ZNF202: variants seen among roughly 807,000 people sequenced by gnomAD.
The protein encoded by ZNF202 is zinc finger protein 202, also known as zinc finger protein with KRAB and SCAN domains 10.
In ZNF202, 22 loss-of-function variants were observed where a neutral mutation model predicts 54.5. That is an observed-to-expected ratio of 0.40 (90% CI 0.29 to 0.58). The LOEUF is 0.58. Among genes scored for constraint, ZNF202 ranks in the 20% least tolerant of loss-of-function variants. The probability of loss-of-function intolerance (pLI) is 0.39; values close to 1 mark genes in which losing one functional copy is unlikely to be tolerated. For missense variants in ZNF202, 644 were observed against 805.5 expected, an observed-to-expected ratio of 0.80 and a Z score of 2.43; for synonymous variants, 294 against 301.4, an observed-to-expected ratio of 0.98 and a Z score of 0.26.
In ZNF202 at chr11:123,725,843, C is replaced by A; in HGVS notation, c.*154G>T. On this transcript the variant is annotated 3_prime_UTR_variant, in exon 9 of 9. Coordinates refer to ENST00000530393, the MANE Select transcript of ZNF202 (RefSeq NM_003455.4). Reference sequence around the variant, plus strand: ...GGAAGGCTGAGAGGTTCTGCCCAGGCTCGTGTTTAGTTGCAGGAAGAGGTA... The same window carrying A: ...GGAAGGCTGAGAGGTTCTGCCCAGGATCGTGTTTAGTTGCAGGAAGAGGTA... 1 of 868,460 alleles carries A rather than the reference C, an allele frequency of 1.2e-6. No homozygotes were observed. The highest frequency in any genetic ancestry group is 1.7e-6 in the Non-Finnish European group (1 of 585,048). 53.8% of individuals were successfully genotyped at this position (868,460 alleles called of 1,614,324 possible). A position where few individuals can be genotyped will look rare whatever the true frequency, so the allele number is the denominator to read the frequency against.
intron 3 of ZNF202, among the ~76,000 whole-genome samples, chr11:123,737,887 A>G (rs1458999677): frequency 6.6e-6 from 1 of 152,142 alleles, no homozygotes; most frequent in East Asian, 1.9e-4. Context: ...CAGCTTTTTG[A>G]TGGTGATGAG....
At chr11:123,737,915 A>C (rs1217112205) in intron 3 of ZNF202, among the ~76,000 whole-genome samples, 1 of 152,212 alleles carries the variant, frequency 6.6e-6, no homozygotes, top group Non-Finnish European at 1.5e-5. Flanking sequence ...TTTGAGAGGA[A>C]CAAGGATATA....
chr11:123,725,740 A>C lies in ZNF202; in HGVS notation c.*257T>G. The C allele has an allele frequency of 2.1e-6, 1 of 466,440 alleles. No homozygotes were observed. Among genetic ancestry groups the C allele is most frequent in the South Asian group, 3.8e-5 (1 of 26,410 alleles). 28.9% of individuals were successfully genotyped at this position (466,440 alleles called of 1,614,324 possible). Reference sequence around the variant, plus strand: ...TTCTCCTACTTTATACCCATGAGGTAGAGGCAGGTGCACTCCAGTGAAGGA... The same window carrying C: ...TTCTCCTACTTTATACCCATGAGGTCGAGGCAGGTGCACTCCAGTGAAGGA... On this transcript the variant is annotated 3_prime_UTR_variant, in exon 9 of 9. Transcript: ENST00000530393.
chr11:123,728,157 C>T lies in ZNF202; in HGVS notation c.808G>A (p.Asp270Asn), dbSNP rs758229680. 1.9e-6 allele frequency: 3 copies of T among 1,611,822 alleles called. No homozygotes were observed. Among genetic ancestry groups the T allele is most frequent in the Non-Finnish European group, 1.7e-6 (2 of 1,178,630 alleles). ...EFYGEYVLEE[D>N]CGIVVSLSFP... The stretch of plus-strand genomic sequence containing the variant: ...CACAGAGAGACAACAATTCCACAGT[C>T]TTCTTCCAAGACATATTCTCCATAG... Residue 270 changes from aspartate (D) to asparagine (N), a missense_variant, in exon 7 of 9, where the codon GAC (aspartate) becomes AAC (asparagine). Physicochemically the swap from Asp to Asn is conservative, Grantham distance 23. Around this residue, in one of 3 missense-constraint regions of ZNF202, gnomAD observed 536 missense variants for 635.3 expected, o/e 0.84. Transcript: ENST00000530393.
At position 123,726,155 on chromosome 11, in the gene ZNF202, C is replaced by G. The variant is rs1054423798; in HGVS notation, c.1789G>C (p.Glu597Gln). 1.9e-6 allele frequency: 3 copies of G among 1,614,226 alleles called. No individual in the cohort carries two copies. The highest frequency in any genetic ancestry group is 2.5e-6 in the Non-Finnish European group (3 of 1,180,038). Reference sequence around the variant, plus strand: ...CTGCGACTGAAGCTCTTCCCACATTCGTTGCATCGGCAGGGCCTCACTGAG... The same window carrying G: ...CTGCGACTGAAGCTCTTCCCACATTGGTTGCATCGGCAGGGCCTCACTGAG... ...HASVRPCRCN[E>Q]CGKSFSRRDH... The change falls in exon 9 of 9, where the codon GAA becomes CAA. Residue 597 changes from glutamate (E) to glutamine (Q), a missense_variant. Around this residue, in one of 3 missense-constraint regions of ZNF202, gnomAD observed 536 missense variants for 635.3 expected, o/e 0.84. Transcript: ENST00000530393. The surrounding 1 kb of genome is among the most constrained non-coding windows in gnomAD (Gnocchi z 6.0).
At position 123,729,206 on chromosome 11, in the gene ZNF202, C is replaced by A. The variant is rs1327237539; in HGVS notation, c.622G>T (p.Val208Leu). 1 of 1,613,404 alleles carries A rather than the reference C, an allele frequency of 6.2e-7. No homozygotes were observed. Residue 208 changes from valine to leucine, a missense_variant, in exon 6 of 9, where the codon GTG (valine) becomes TTG (leucine). Physicochemically the swap from Val to Leu is conservative, Grantham distance 32. Transcript: ENST00000530393. ...LQTLQESEVP[V>L]PEDPDLPAER... ...GCAGGAAGGTCTGGGTCCTCGGGCA[C>A]TGGGACCTCTATGAAGAAAAGAAGG... is the stretch of plus-strand genomic sequence containing the variant.
At chr11:123,731,060 A>G in intron 3 of ZNF202, 75 bp from the exon 4 acceptor site, 1 of 683,106 alleles carries the variant, frequency 1.5e-6, no homozygotes, top group Non-Finnish European at 2.3e-6. Context: ...GAGTTCAATC[A>G]TAATCCTCTA....
Position 123,726,248 on chromosome 11 carries a change from G to A in ZNF202, c.1696C>T (p.Leu566Phe), listed in dbSNP as rs769441071. 6.2e-7 allele frequency: 1 copy of A among 1,614,220 alleles called. No homozygotes were observed. The highest frequency in any genetic ancestry group is 1.7e-5 in the Admixed American group (1 of 60,032). The change falls in exon 9 of 9, where the codon CTC becomes TTC. Residue 566 changes from leucine (L) to phenylalanine (F), a missense_variant. Leu to Phe is a conservative substitution (Grantham distance 22). Transcript: ENST00000530393. This position sits in a 1 kb window ranked among gnomAD's most constrained non-coding sequence, Gnocchi z 6.0. ...AAGCAGCGCCCGCACTCGCTGCAGA[G>A]GTAGAGTTCCTCAGCAGCGTGCGTC... ...RKTHAAEELYLCSECGRCFTH... is the reference protein window; with the variant it reads ...RKTHAAEELYFCSECGRCFTH...
chr11:123,731,158 A>C (rs1194055395), intron 3 of ZNF202, among the ~76,000 whole-genome samples, 173 bp from the exon 4 acceptor site: 1 of 152,216 alleles, frequency 6.6e-6, no homozygotes, highest in East Asian at 1.9e-4. Context: ...GATAATTTAC[A>C]ACTAAAGGTA....
intron 5 of ZNF202, 83 bp from the exon 6 acceptor site, chr11:123,729,297 T>C: frequency 7.2e-7 from 1 of 1,384,230 alleles, no homozygotes; most frequent in South Asian, 1.2e-5. Flanking sequence ...CCACCATCTT[T>C]GGTAGGAAGG....
At chr11:123,734,578 C>T (rs1861552107) in intron 3 of ZNF202, among the ~76,000 whole-genome samples, 1 of 152,178 alleles carries the variant, frequency 6.6e-6, no homozygotes, top group African/African-American at 2.4e-5. Flanking sequence ...GATGCTTCCA[C>T]AGGAACTTGT....
chr11:123,735,453 G>C (rs928987550), intron 3 of ZNF202, among the ~76,000 whole-genome samples: 1 of 152,152 alleles, frequency 6.6e-6, no homozygotes, highest in Non-Finnish European at 1.5e-5. Context: ...TGCTTGTTTT[G>C]CATTTACTTT....
chr11:123,732,015 G>A (rs1191302985), intron 3 of ZNF202, among the ~76,000 whole-genome samples: 1 of 152,118 alleles, frequency 6.6e-6, no homozygotes, highest in Non-Finnish European at 1.5e-5. Flanking sequence ...TGTCTTTTCA[G>A]TCTTCCATGT....
At position 123,725,604 on chromosome 11, in the gene ZNF202, T is replaced by A. The variant is rs1274094347; in HGVS notation, c.*393A>T. 1 of 173,948 alleles carries A rather than the reference T, an allele frequency of 5.7e-6. No individual in the cohort carries two copies. The highest frequency in any genetic ancestry group is 1.2e-5 in the Non-Finnish European group (1 of 80,394). The allele number at this position is 173,948 out of a possible 1,614,324, so 10.8% of individuals were successfully genotyped here. A position where few individuals can be genotyped will look rare whatever the true frequency, so the allele number is the denominator to read the frequency against. On this transcript the variant is annotated 3_prime_UTR_variant, in exon 9 of 9. Transcript: ENST00000530393. ...CTTCAGGCTCGTCCCTTCCCAAACCTAAGGGGCTGTCCTTGGCCACTTTCA... is the reference window on the plus strand; with the variant it reads ...CTTCAGGCTCGTCCCTTCCCAAACCAAAGGGGCTGTCCTTGGCCACTTTCA...
In ZNF202 at chr11:123,740,114, TACCTC is replaced by T. The variant is rs989714414; in HGVS notation, c.-100_-98+2del. The stretch of plus-strand genomic sequence containing the variant: ...GAAAAAAAAATGTAAACCTGTAACT[TACCTC>T]ATCTGTACAATTTGCAATGGCTGAG... On this transcript the variant is annotated splice_donor_variant and 5_prime_UTR_variant, in exon 3 of 9. Coordinates refer to ENST00000530393, the MANE Select transcript of ZNF202 (RefSeq NM_003455.4). LOFTEE classifies it low-confidence loss of function (5UTR_SPLICE). The T allele has an allele frequency of 3.3e-5, 5 of 152,348 alleles. No homozygotes were observed. The East Asian group carries it at 5.8e-4, about 18-fold the overall frequency. The allele number at this position is 152,348 out of a possible 1,614,324, so 9.4% of individuals were successfully genotyped here. A position where few individuals can be genotyped will look rare whatever the true frequency, so the allele number is the denominator to read the frequency against.
chr11:123,725,894 G>A lies in ZNF202; in HGVS notation c.*103C>T. The A allele has an allele frequency of 7.3e-7, 1 of 1,365,760 alleles. No homozygotes were observed. The highest frequency in any genetic ancestry group is 9.8e-7 in the Non-Finnish European group (1 of 1,019,308). The allele number at this position is 1,365,760 out of a possible 1,614,324, so 84.6% of individuals were successfully genotyped here. On this transcript the variant is annotated 3_prime_UTR_variant, in exon 9 of 9. Transcript: ENST00000530393. ...ATGTCAGATCTGAGCAGGTCAGGGA[G>A]ACTCCCTCGAAAAGGTCTTCCCAGG... is the stretch of plus-strand genomic sequence containing the variant.
At chr11:123,729,419 C>A (rs1353015954) in intron 5 of ZNF202, among the ~76,000 whole-genome samples, 196 bp downstream of exon 5, 1 of 152,214 alleles carries the variant, frequency 6.6e-6, no homozygotes, top group Non-Finnish European at 1.5e-5. Flanking sequence ...AAGCAACAAT[C>A]TGCTGTCTAA....
chr11:123,741,289 TGGAAA>T (rs1233489050), intron 1 of ZNF202, among the ~76,000 whole-genome samples: 2 of 151,794 alleles, frequency 1.3e-5, no homozygotes, highest in Admixed American at 6.6e-5. Context: ...GGGCGGTGGC[TGGAAA>T]GGAAAGGAAG....
At chr11:123,727,382 A>G in intron 8 of ZNF202, 94 bp downstream of exon 8, 2 of 1,537,530 alleles carry the variant, frequency 1.3e-6, no homozygotes, top group East Asian at 4.5e-5. Flanking sequence ...ATGTTAGAAG[A>G]ACTGATGAGA....
Sources: allele counts gnomAD v4.1 joint callset (sites outside exome capture counted in the v4.1 genomes callset), GRCh38; gene constraint gnomAD v4.1.1; regional missense constraint gnomAD v4.1.1; non-coding constraint Gnocchi (gnomAD v3.1); transcripts MANE v1.5; gene names NCBI Gene and HGNC (gene_info 2026-07-23, HGNC 2026-07-21).